EYS: variants seen among roughly 807,000 people sequenced by gnomAD.
EYS encodes EGF-like photoreceptor maintenance factor.
A neutral mutation model predicts 282.1 loss-of-function variants in EYS; 250 were observed. The ratio of observed to expected loss-of-function variants is 0.89; its 90% CI spans 0.80 to 0.98. EYS has a LOEUF of 0.98. Among genes scored for constraint, EYS ranks in the 50% least tolerant of loss-of-function variants. The pLI is 0.00. For missense variants in EYS, 4,016 were observed against 3,709.0 expected (o/e 1.08, Z -2.15); for synonymous variants, 1,355 against 1,282.9 (o/e 1.06, Z -1.20).
At chr6:64,903,226 A>G (rs1767721355) in intron 16 of EYS, among the ~76,000 whole-genome samples, 1 of 152,144 alleles carries the variant, frequency 6.6e-6, no homozygotes, top group African/African-American at 2.4e-5. Context: ...TTTTCTTGTT[A>G]ATATTTTTTC....
intron 33 of EYS, among the ~76,000 whole-genome samples, chr6:64,008,761 T>C (rs1346931139): frequency 6.6e-6 from 1 of 152,220 alleles, no homozygotes; most frequent in Non-Finnish European, 1.5e-5. Flanking sequence ...TGGTTGGAAG[T>C]TATTTTCTTT....
chr6:65,032,558 C>G (rs77978370), intron 13 of EYS, among the ~76,000 whole-genome samples: 2,752 of 152,236 alleles, frequency 0.018, 32 homozygotes, highest in Middle Eastern at 0.075. Context: ...CATGCCTATT[C>G]CTCTTTCAAA....
chr6:64,153,799 A>G (rs1469597971), intron 31 of EYS, among the ~76,000 whole-genome samples: 1 of 152,242 alleles, frequency 6.6e-6, no homozygotes, highest in East Asian at 1.9e-4. Flanking sequence ...GTAGTTATAC[A>G]TGTTAGAAAA....
chr6:65,245,618 A>G (rs990698388), intron 12 of EYS, among the ~76,000 whole-genome samples: 7 of 152,042 alleles, frequency 4.6e-5, no homozygotes, highest in African/African-American at 1.7e-4. Flanking sequence ...TCAGGATAAC[A>G]AAATCTGTTG....
At chr6:65,646,987 C>G (rs543603457) in intron 1 of EYS, among the ~76,000 whole-genome samples, 1 of 152,220 alleles carries the variant, frequency 6.6e-6, no homozygotes, top group East Asian at 1.9e-4. Flanking sequence ...AGGAAAACTA[C>G]AAAACACTAC....
chr6:63,883,794 T>A (rs1482459), intron 35 of EYS, among the ~76,000 whole-genome samples: 39,012 of 152,148 alleles, frequency 0.26, 5,259 homozygotes, highest in Admixed American at 0.34. Context: ...AGTTCCTTTG[T>A]GCTTGGCCTA....
chr6:65,583,514 C>T (rs1194071364), intron 2 of EYS, among the ~76,000 whole-genome samples: 1 of 152,038 alleles, frequency 6.6e-6, no homozygotes, highest in Non-Finnish European at 1.5e-5. Context: ...AATTCTATGA[C>T]TCTCATTTCA....
At chr6:64,463,834 T>C (rs1477484339) in intron 26 of EYS, among the ~76,000 whole-genome samples, 1 of 152,178 alleles carries the variant, frequency 6.6e-6, no homozygotes, top group African/African-American at 2.4e-5. Context: ...CGCTGATGGC[T>C]TCACTGCTAA....
intron 30 of EYS, among the ~76,000 whole-genome samples, chr6:64,293,779 G>A (rs1028482): frequency 0.69 from 104,227 of 151,792 alleles, 35,781 homozygotes; most frequent in Non-Finnish European, 0.71. Flanking sequence ...ATTTTTAAAC[G>A]TCCATTTCTC....
chr6:65,145,823 A>T (rs1302423756), intron 12 of EYS, among the ~76,000 whole-genome samples: 3 of 152,052 alleles, frequency 2.0e-5, no homozygotes, highest in Admixed American at 6.6e-5. Flanking sequence ...AATGCATTTC[A>T]GAAGAATATT....
intron 19 of EYS, among the ~76,000 whole-genome samples, chr6:64,834,025 T>C (rs58083797): frequency 0.15 from 23,077 of 151,762 alleles, 1,979 homozygotes; most frequent in East Asian, 0.43. Flanking sequence ...TTGTTTATCC[T>C]CTCCAGGTTA....
At chr6:64,981,587 T>C (rs1022177483) in intron 14 of EYS, among the ~76,000 whole-genome samples, 2 of 151,336 alleles carry the variant, frequency 1.3e-5, no homozygotes, top group African/African-American at 2.4e-5. Flanking sequence ...AACCGAAGCA[T>C]AGAAAGATGA....
intron 22 of EYS, among the ~76,000 whole-genome samples, chr6:64,688,777 CT>C (rs1770259530): frequency 6.6e-6 from 1 of 152,048 alleles, no homozygotes; most frequent in Admixed American, 6.6e-5. Flanking sequence ...CCTGGATATC[CT>C]TGTTAACTTT....
rs192364179 is a variant in EYS, at chr6:63,898,396, C to A, written c.7056-34038G>T. ...ATCCCAGCTGCTCAGGAGGCTGAGG[C>A]AGGAGAATCTTTTGAACCCGGGAGG... On this transcript the variant is annotated intron_variant, in intron 35 of 42. Coordinates refer to ENST00000503581, the MANE Select transcript of EYS (RefSeq NM_001142800.2). Among the ~76,000 whole-genome samples the A allele has an allele frequency of 8.9e-3, 1,354 of 152,098 alleles. 6 individuals are homozygous for A. Among genetic ancestry groups the A allele is most frequent in the Middle Eastern group, 0.037 (11 of 294 alleles).
At chr6:65,514,821 T>A (rs1442147081) in intron 2 of EYS, among the ~76,000 whole-genome samples, 1 of 152,118 alleles carries the variant, frequency 6.6e-6, no homozygotes, top group Non-Finnish European at 1.5e-5. Flanking sequence ...ACAATAGACC[T>A]AAAACCATAA....
intron 26 of EYS, among the ~76,000 whole-genome samples, chr6:64,453,570 C>A (rs189096262): frequency 3.9e-4 from 60 of 152,176 alleles, no homozygotes; most frequent in African/African-American, 1.3e-3. Flanking sequence ...ATGTTTACTG[C>A]GGCACTATTC....
intron 22 of EYS, among the ~76,000 whole-genome samples, chr6:64,747,372 T>C (rs1772592469): frequency 6.6e-6 from 1 of 152,158 alleles, no homozygotes; most frequent in African/African-American, 2.4e-5. Flanking sequence ...TCCCAGAATC[T>C]TTTTGGTTTG....
intron 7 of EYS, among the ~76,000 whole-genome samples, chr6:65,401,385 G>T (rs1026563249): frequency 6.7e-6 from 1 of 150,272 alleles, no homozygotes; most frequent in East Asian, 2.0e-4. Flanking sequence ...GTTTGGGGAG[G>T]AGATGTATTT....
intron 22 of EYS, among the ~76,000 whole-genome samples, chr6:64,796,041 C>T (rs989670933): frequency 6.6e-6 from 1 of 152,102 alleles, no homozygotes; most frequent in East Asian, 1.9e-4. Flanking sequence ...CTAACGTATG[C>T]TGAAACTAAG....
Sources: gnomAD v4.1 joint callset for allele counts (sites outside exome capture counted in the v4.1 genomes callset) on GRCh38, gnomAD v4.1.1 for gene constraint, MANE v1.5 for transcripts, NCBI Gene and HGNC (gene_info 2026-07-23, HGNC 2026-07-21) for gene names.